The following NRBF2 variants were observed in gnomAD, a reference collection of about 807,000 sequenced individuals.
The protein encoded by NRBF2 is nuclear receptor binding factor 2, also known as nuclear receptor-binding factor 2.
In NRBF2, 12 loss-of-function variants were observed where a neutral mutation model predicts 28.5. The observed-to-expected ratio is 0.42, with a 90% CI of 0.27 to 0.68. NRBF2 has a LOEUF of 0.68. NRBF2 is among the 30% of genes least tolerant of loss of function. The pLI is 0.24. For missense variants in NRBF2, 274 were observed against 333.5 expected (o/e 0.82, Z 1.39); for synonymous variants, 102 against 116.5 (o/e 0.88, Z 0.80).
chr10:63,140,947 C>T (rs974368747), intron 1 of NRBF2, among the ~76,000 whole-genome samples: 1 of 152,172 alleles, frequency 6.6e-6, no homozygotes, highest in Non-Finnish European at 1.5e-5. Context: ...GATCTGCCTG[C>T]CTCGGCCTCC....
At chr10:63,149,622 T>C (rs1408641676) in intron 2 of NRBF2, among the ~76,000 whole-genome samples, 1 of 152,228 alleles carries the variant, frequency 6.6e-6, no homozygotes, top group African/African-American at 2.4e-5. Flanking sequence ...AAAAATAACT[T>C]TAAAATGCCC....
At chr10:63,149,052 CTGCA>C (rs1325284297) in intron 2 of NRBF2, among the ~76,000 whole-genome samples, 1 of 152,202 alleles carries the variant, frequency 6.6e-6, no homozygotes, top group Non-Finnish European at 1.5e-5. Context: ...CAGTATATTG[CTGCA>C]CTTTGTATGC....
Position 63,145,814 on chromosome 10 carries a change from A to T in NRBF2, c.31-395A>T, listed in dbSNP as rs189744504. Reference sequence around the variant, plus strand: ...ATTTCCTGATTATAGTTTTTAGACTATACAGATTAGTGAAAGTATCTACAA... The same window carrying T: ...ATTTCCTGATTATAGTTTTTAGACTTTACAGATTAGTGAAAGTATCTACAA... On this transcript the variant is annotated intron_variant, in intron 1 of 3. Coordinates refer to ENST00000277746, the MANE Select transcript of NRBF2 (RefSeq NM_030759.5). Among the ~76,000 whole-genome samples, 73 of 152,366 alleles carry T rather than the reference A, an allele frequency of 4.8e-4. No individual in the cohort carries two copies. The East Asian group carries it at 0.012, about 26-fold the overall frequency.
intron 1 of NRBF2, among the ~76,000 whole-genome samples, chr10:63,138,530 G>A (rs1841410817): frequency 6.6e-6 from 1 of 151,056 alleles, no homozygotes; most frequent in Non-Finnish European, 1.5e-5. Context: ...AGATCACGAG[G>A]TCAGGAGATC....
intron 2 of NRBF2, among the ~76,000 whole-genome samples, chr10:63,151,833 G>A (rs949171320): frequency 2.0e-5 from 3 of 152,026 alleles, no homozygotes; most frequent in African/African-American, 7.2e-5. Flanking sequence ...TGAGTAATAG[G>A]GTTTGGATAG....
At chr10:63,141,738 CAT>C (rs769956729) in intron 1 of NRBF2, among the ~76,000 whole-genome samples, 2 of 152,204 alleles carry the variant, frequency 1.3e-5, no homozygotes, top group African/African-American at 4.8e-5. Context: ...TTATGTGTCT[CAT>C]ATGTGGTCAA....
At chr10:63,133,540 T>G in intron 1 of NRBF2, 40 bp downstream of exon 1, 1 of 1,497,234 alleles carries the variant, frequency 6.7e-7, no homozygotes, top group East Asian at 2.3e-5. Flanking sequence ...CTTGGGTGCC[T>G]TTGCCTCAGG....
chr10:63,143,838 C>T (rs964847654), intron 1 of NRBF2, among the ~76,000 whole-genome samples: 1 of 150,828 alleles, frequency 6.6e-6, no homozygotes, highest in Non-Finnish European at 1.5e-5. Context: ...CTGCAGCCTC[C>T]ATTACCCAGG....
intron 1 of NRBF2, among the ~76,000 whole-genome samples, chr10:63,143,749 A>ATT (rs35270148): frequency 5.8e-4 from 67 of 115,978 alleles, no homozygotes; most frequent in East Asian, 2.7e-3. Context: ...ACCATGCCCG[A>ATT]TTTTTTTTTT....
Position 63,154,670 on chromosome 10 carries a change from A to C in NRBF2, c.*452A>C, listed in dbSNP as rs529383585. The C allele has an allele frequency of 1.9e-5, 3 of 157,060 alleles. No individual in the cohort carries two copies. Among genetic ancestry groups the C allele is most frequent in the Non-Finnish European group, 4.2e-5 (3 of 70,954 alleles). 9.7% of individuals were successfully genotyped at this position (157,060 alleles called of 1,614,324 possible). A position where few individuals can be genotyped will look rare whatever the true frequency, so the allele number is the denominator to read the frequency against. On this transcript the variant is annotated 3_prime_UTR_variant, in exon 4 of 4. Coordinates refer to ENST00000277746, the MANE Select transcript of NRBF2 (RefSeq NM_030759.5). The stretch of plus-strand genomic sequence containing the variant: ...TTTCTATCATGCATTGACTGTATGC[A>C]TTTTGTTAATGCACATTCTGTTTGT...
intron 2 of NRBF2, among the ~76,000 whole-genome samples, chr10:63,148,218 T>C (rs1841594398): frequency 6.6e-6 from 1 of 152,210 alleles, no homozygotes; most frequent in African/African-American, 2.4e-5. Context: ...GATGTTGGGC[T>C]TCAGTTAACC....
intron 1 of NRBF2, 72 bp from the exon 2 acceptor site, chr10:63,146,137 G>T: frequency 9.0e-7 from 1 of 1,107,562 alleles, no homozygotes; most frequent in South Asian, 1.3e-5. Flanking sequence ...CTTCTTAAAA[G>T]GTAGTTGCTT....
chr10:63,134,253 A>G (rs1841340487), intron 1 of NRBF2, among the ~76,000 whole-genome samples: 2 of 152,220 alleles, frequency 1.3e-5, no homozygotes, highest in African/African-American at 4.8e-5. Context: ...ACAACACAAC[A>G]GAACCCCACT....
In NRBF2 at chr10:63,133,337, G is replaced by A. The variant is rs1013208496; in HGVS notation, c.-134G>A. The A allele has an allele frequency of 1.7e-5, 18 of 1,047,726 alleles. No homozygotes were observed. The highest frequency in any genetic ancestry group is 2.7e-5 in the East Asian group (1 of 36,880). The allele number at this position is 1,047,726 out of a possible 1,614,324, so 64.9% of individuals were successfully genotyped here. ...AAGTGGTGAGGTTGTTGCTCCTTCA[G>A]CGCCTATCGCTGGCTCTTGGGGCGC... is the stretch of plus-strand genomic sequence containing the variant. On this transcript the variant is annotated 5_prime_UTR_variant, in exon 1 of 4. Transcript: ENST00000277746.
At chr10:63,133,547 C>G (rs1365628764) in intron 1 of NRBF2, 47 bp downstream of exon 1, 15 of 1,437,814 alleles carry the variant, frequency 1.0e-5, no homozygotes, top group Non-Finnish European at 1.5e-5. Context: ...GCCTTTGCCT[C>G]AGGAGCCCGG....
intron 1 of NRBF2, among the ~76,000 whole-genome samples, chr10:63,137,428 T>A (rs1168727733): frequency 6.6e-6 from 1 of 152,268 alleles, no homozygotes; most frequent in Non-Finnish European, 1.5e-5. Context: ...TGCTGCTGAT[T>A]TGGAAAGTGA....
At chr10:63,146,342 C>CA in intron 2 of NRBF2, 49 bp downstream of exon 2, 1 of 1,291,242 alleles carries the variant, frequency 7.7e-7, no homozygotes, top group Non-Finnish European at 1.1e-6. Flanking sequence ...AGCAGAAAGT[C>CA]ACAATAGTAA....
chr10:63,153,850 A>C lies in NRBF2; in HGVS notation c.496A>C (p.Thr166Pro). ...AAGCAAAGCCCCAAAAGATGATAAA[A>C]CAATTATAGAGGAGCAGGCAACCAA... Reference protein sequence around the residue: ...IGSKAPKDDKTIIEEQATKIA... With the variant: ...IGSKAPKDDKPIIEEQATKIA... The change falls in exon 4 of 4, where the codon ACA (threonine) becomes CCA (proline). Residue 166 changes from threonine (T) to proline (P), a missense_variant. Coordinates refer to ENST00000277746, the MANE Select transcript of NRBF2 (RefSeq NM_030759.5). 1.1e-5 allele frequency: 17 copies of C among 1,612,392 alleles called. No homozygotes were observed. Among genetic ancestry groups the C allele is most frequent in the Non-Finnish European group, 1.4e-5 (17 of 1,179,776 alleles).
intron 2 of NRBF2, among the ~76,000 whole-genome samples, chr10:63,147,986 G>A (rs1239640205): frequency 3.3e-5 from 5 of 152,024 alleles, no homozygotes; most frequent in African/African-American, 7.3e-5. Context: ...CTACAAAGAC[G>A]ATGTACCATG....
Sources: gnomAD v4.1 joint callset for allele counts (sites outside exome capture counted in the v4.1 genomes callset) on GRCh38, gnomAD v4.1.1 for gene constraint, MANE v1.5 for transcripts, NCBI Gene and HGNC (gene_info 2026-07-23, HGNC 2026-07-21) for gene names.